Variants in AGBL1 observed in about 807,000 individuals in gnomAD.
AGBL1 encodes the protein cytosolic carboxypeptidase 4.
AGBL1 carries 130 observed loss-of-function variants against 118.9 expected under a neutral mutation model. The ratio of observed to expected loss-of-function variants is 1.09; its 90% CI spans 0.95 to 1.26. The LOEUF (loss-of-function observed/expected upper bound fraction) is 1.26, where lower values mean the gene tolerates loss of function less well. Ranked by LOEUF, AGBL1 falls within the 50% of genes most tolerant of loss-of-function variation. AGBL1 has a pLI of 0.00. For missense variants in AGBL1, 1,584 were observed against 1,298.1 expected (o/e 1.22, Z -3.38); for synonymous variants, 555 against 478.9 (o/e 1.16, Z -2.08).
At chr15:87,013,496 C>G (rs779895263) in intron 24 of AGBL1, among the ~76,000 whole-genome samples, 10 of 150,592 alleles carry the variant, frequency 6.6e-5, no homozygotes, top group Non-Finnish European at 1.5e-4. Flanking sequence ...CTCATTAGAG[C>G]AAAATAATAA....
At chr15:86,871,765 T>C (rs142797001) in intron 22 of AGBL1, among the ~76,000 whole-genome samples, 2 of 152,286 alleles carry the variant, frequency 1.3e-5, no homozygotes, top group African/African-American at 2.4e-5. Context: ...CTTCCACACC[T>C]ACCATCTTGG....
At chr15:86,662,836 G>T (rs369608244) in intron 21 of AGBL1, among the ~76,000 whole-genome samples, 1 of 152,222 alleles carries the variant, frequency 6.6e-6, no homozygotes, top group South Asian at 2.1e-4. Flanking sequence ...TAGCCATTCC[G>T]CATGACCAGT....
At chr15:86,572,565 G>C (rs2084025747) in intron 21 of AGBL1, among the ~76,000 whole-genome samples, 1 of 152,236 alleles carries the variant, frequency 6.6e-6, no homozygotes, top group Non-Finnish European at 1.5e-5. Context: ...TCCCGCAGTG[G>C]TGGTTGGTGA....
chr15:86,633,411 GA>G (rs1329195939), intron 21 of AGBL1, among the ~76,000 whole-genome samples: 8 of 152,090 alleles, frequency 5.3e-5, no homozygotes, highest in Non-Finnish European at 1.0e-4. Flanking sequence ...ACCTGTTTAT[GA>G]AATGATATAT....
intron 18 of AGBL1, among the ~76,000 whole-genome samples, chr15:86,488,824 T>A (rs530273610): frequency 3.9e-5 from 6 of 152,158 alleles, no homozygotes; most frequent in Non-Finnish European, 7.4e-5. Context: ...GCTTTCCTCT[T>A]CCTTTGCAGA....
At chr15:86,632,789 C>T (rs759795432) in intron 21 of AGBL1, among the ~76,000 whole-genome samples, 3 of 84,766 alleles carry the variant, frequency 3.5e-5, no homozygotes, top group Non-Finnish European at 7.3e-5. Context: ...GGGATTTCTT[C>T]TGCCAGCGTA....
chr15:86,285,407 G>A (rs575594428), intron 16 of AGBL1, among the ~76,000 whole-genome samples: 22 of 152,160 alleles, frequency 1.4e-4, no homozygotes, highest in East Asian at 1.9e-4. Flanking sequence ...CTTACGTGTC[G>A]TGGGAATTAA....
chr15:86,538,890 C>T (rs1343454093), intron 19 of AGBL1, among the ~76,000 whole-genome samples: 3 of 152,160 alleles, frequency 2.0e-5, no homozygotes, highest in Non-Finnish European at 2.9e-5. Context: ...GACCTATTAA[C>T]TTGCAGAGGA....
intron 17 of AGBL1, among the ~76,000 whole-genome samples, chr15:86,387,734 A>G (rs1021806506): frequency 2.0e-5 from 3 of 152,188 alleles, no homozygotes; most frequent in African/African-American, 4.8e-5. Flanking sequence ...CTTGGCTTCC[A>G]TGCCTTCCTC....
Position 86,535,583 on chromosome 15 carries a change from G to C in AGBL1, c.2686-10419G>C, listed in dbSNP as rs4887479. Among the ~76,000 whole-genome samples, 27 of 152,278 alleles carry C rather than the reference G, an allele frequency of 1.8e-4. No individual in the cohort carries two copies. The East Asian group carries it at 1.9e-3, about 11-fold the overall frequency. ...GGGATTTCAGTCCTCTTTGAAGAGC[G>C]CATCAATTTCTGTTTATAACTCACA... On this transcript the variant is annotated intron_variant, in intron 19 of 22. Coordinates refer to ENST00000614907, the MANE Select transcript of AGBL1 (RefSeq NM_001386094.1).
intron 18 of AGBL1, among the ~76,000 whole-genome samples, chr15:86,417,559 G>C (rs190469984): frequency 6.6e-6 from 1 of 152,330 alleles, no homozygotes; most frequent in Admixed American, 6.5e-5. Context: ...ATTCAAAATA[G>C]TATCATACAG....
At chr15:86,219,951 T>TC (rs2078253617) in intron 5 of AGBL1, among the ~76,000 whole-genome samples, 1 of 143,698 alleles carries the variant, frequency 7.0e-6, no homozygotes, top group South Asian at 2.4e-4. Context: ...GCCTCTTTTT[T>TC]TTTTTTTTTT....
At chr15:86,956,201 GTAGA>G (rs1305114676) in intron 23 of AGBL1, among the ~76,000 whole-genome samples, 4 of 145,072 alleles carry the variant, frequency 2.8e-5, no homozygotes, top group South Asian at 2.3e-4. Flanking sequence ...ATATAGATAG[GTAGA>G]TAGATGATTG....
At chr15:86,475,100 C>A (rs956928103) in intron 18 of AGBL1, among the ~76,000 whole-genome samples, 2 of 152,106 alleles carry the variant, frequency 1.3e-5, no homozygotes, top group African/African-American at 4.8e-5. Context: ...AGACCAAAGG[C>A]AGATAAAACC....
chr15:86,319,195 A>G (rs1388893466), intron 17 of AGBL1, among the ~76,000 whole-genome samples: 1 of 152,172 alleles, frequency 6.6e-6, no homozygotes, highest in Admixed American at 6.5e-5. Context: ...TATACTTAGA[A>G]GGGAATCATA....
chr15:86,732,916 T>C (rs2077544798), intron 22 of AGBL1, among the ~76,000 whole-genome samples: 1 of 150,310 alleles, frequency 6.7e-6, no homozygotes, highest in African/African-American at 2.4e-5. Flanking sequence ...AATATATATA[T>C]AGATAGATTT....
chr15:86,153,688 A>C (rs1463604414), intron 3 of AGBL1, among the ~76,000 whole-genome samples: 1 of 152,204 alleles, frequency 6.6e-6, no homozygotes, highest in Admixed American at 6.5e-5. Flanking sequence ...TAGAGGGGAT[A>C]ATTTTATTTT....
intron 22 of AGBL1, among the ~76,000 whole-genome samples, chr15:86,857,841 C>T (rs1416847216): frequency 6.6e-6 from 1 of 152,172 alleles, no homozygotes; most frequent in Non-Finnish European, 1.5e-5. Flanking sequence ...CTCCAGTCGG[C>T]CTGGAATCCA....
At chr15:86,934,410 A>C (rs1309329768) in intron 23 of AGBL1, among the ~76,000 whole-genome samples, 1 of 152,210 alleles carries the variant, frequency 6.6e-6, no homozygotes, top group Non-Finnish European at 1.5e-5. Context: ...AGAATGTGTG[A>C]ATCTTCAACT....
Sources: gnomAD v4.1 joint callset for allele counts (sites outside exome capture counted in the v4.1 genomes callset) on GRCh38, gnomAD v4.1.1 for gene constraint, MANE v1.5 for transcripts, NCBI Gene and HGNC (gene_info 2026-07-23, HGNC 2026-07-21) for gene names.